SRRM4: variants seen among roughly 807,000 people sequenced by gnomAD.
SRRM4 encodes the protein serine/arginine repetitive matrix 4, also known as serine/arginine repetitive matrix protein 4.
In SRRM4, 33 loss-of-function variants were observed where a neutral mutation model predicts 68.9. That is an observed-to-expected ratio of 0.48 (90% confidence interval 0.36 to 0.64). The LOEUF (loss-of-function observed/expected upper bound fraction) is 0.64, where lower values mean the gene tolerates loss of function less well. SRRM4 is among the 30% of genes least tolerant of loss of function. The pLI is 0.00. For missense variants in SRRM4, 817 were observed against 827.1 expected (o/e 0.99, Z 0.15); for synonymous variants, 318 against 318.8 (o/e 1.00, Z 0.03).
intron 1 of SRRM4, among the ~76,000 whole-genome samples, chr12:119,030,436 T>C (rs978356975): frequency 2.6e-5 from 4 of 152,032 alleles, no homozygotes; most frequent in Non-Finnish European, 1.5e-5. Context: ...AAACAGAGAG[T>C]TTAGTTCTGG....
intron 2 of SRRM4, among the ~76,000 whole-genome samples, chr12:119,108,451 A>C (rs1592900765): frequency 6.6e-6 from 1 of 152,256 alleles, no homozygotes; most frequent in East Asian, 1.9e-4. Flanking sequence ...TGGGAGTCTA[A>C]GTCTCATTGT....
intron 1 of SRRM4, among the ~76,000 whole-genome samples, chr12:118,998,265 T>G (rs185895578): frequency 2.8e-5 from 1 of 35,428 alleles, no homozygotes. Flanking sequence ...AAGAGCAATA[T>G]GGCAAAAAAA....
At chr12:119,113,879 G>T (rs73213749) in intron 2 of SRRM4, among the ~76,000 whole-genome samples, 8 of 152,078 alleles carry the variant, frequency 5.3e-5, no homozygotes, top group Non-Finnish European at 1.0e-4. Flanking sequence ...CCTTCCGCCT[G>T]CTATTAAATT....
At chr12:119,122,690 A>G (rs1954229598) in intron 6 of SRRM4, among the ~76,000 whole-genome samples, 2 of 152,174 alleles carry the variant, frequency 1.3e-5, no homozygotes, top group South Asian at 4.1e-4. Context: ...AATGGTATAC[A>G]TAGGACACAC....
chr12:119,060,049 G>A (rs1381264419), intron 1 of SRRM4, among the ~76,000 whole-genome samples: 1 of 152,040 alleles, frequency 6.6e-6, no homozygotes, highest in Non-Finnish European at 1.5e-5. Flanking sequence ...TGAAAGTCTG[G>A]ACTAGGCACT....
chr12:119,079,741 A>C (rs1256524980), intron 1 of SRRM4, among the ~76,000 whole-genome samples: 1 of 152,112 alleles, frequency 6.6e-6, no homozygotes, highest in Non-Finnish European at 1.5e-5. Context: ...ACATCCTTAA[A>C]AAGTGCTGGT....
intron 3 of SRRM4, among the ~76,000 whole-genome samples, chr12:119,115,609 A>G (rs1180513575): frequency 6.6e-6 from 1 of 152,222 alleles, no homozygotes; most frequent in Non-Finnish European, 1.5e-5. Flanking sequence ...AGGGGGAAAT[A>G]TGGATGAAGA....
chr12:119,023,622 T>C (rs1953529909), intron 1 of SRRM4, among the ~76,000 whole-genome samples: 1 of 152,198 alleles, frequency 6.6e-6, no homozygotes, highest in African/African-American at 2.4e-5. Flanking sequence ...GCAAACCAGA[T>C]TATGTCACAC....
In SRRM4 at chr12:119,154,470, C is replaced by G; in HGVS notation, c.1532+87C>G. 5 of 1,442,270 alleles carry G rather than the reference C, an allele frequency of 3.5e-6. No homozygotes were observed. Among genetic ancestry groups the G allele is most frequent in the Non-Finnish European group, 4.8e-6 (5 of 1,051,618 alleles). 89.3% of individuals were successfully genotyped at this position (1,442,270 alleles called of 1,614,324 possible). A position where few individuals can be genotyped will look rare whatever the true frequency, so the allele number is the denominator to read the frequency against. ...TTCGAGCCTCAGGCTCTCCCTAGGC[C>G]TCCTTGGGGCTGGGATTTAGGATTG... On this transcript the variant is annotated intron_variant, in intron 12 of 12. Transcript: ENST00000267260. The surrounding 1 kb of genome is among the most constrained non-coding windows in gnomAD (Gnocchi z 4.7).
chr12:119,105,664 G>A (rs1405251780), intron 2 of SRRM4, among the ~76,000 whole-genome samples: 2 of 152,154 alleles, frequency 1.3e-5, no homozygotes, highest in Non-Finnish European at 2.9e-5. Context: ...TTTTGATGGG[G>A]TTGTTTGATT....
chr12:119,033,783 A>G (rs1472765360), intron 1 of SRRM4, among the ~76,000 whole-genome samples: 1 of 152,166 alleles, frequency 6.6e-6, no homozygotes, highest in African/African-American at 2.4e-5. Context: ...ATAAAAAAGT[A>G]TTTAACACTA....
chr12:119,022,526 C>T (rs1953522752), intron 1 of SRRM4, among the ~76,000 whole-genome samples: 1 of 152,164 alleles, frequency 6.6e-6, no homozygotes, highest in Non-Finnish European at 1.5e-5. Context: ...TTCCTGACTG[C>T]AATGTTAGTT....
chr12:119,107,021 G>C (rs892192547), intron 2 of SRRM4, among the ~76,000 whole-genome samples: 59 of 152,138 alleles, frequency 3.9e-4, no homozygotes, highest in Non-Finnish European at 8.2e-4. Flanking sequence ...TAGCATGAAG[G>C]GTGGTTGAAT....
At chr12:119,037,727 G>A (rs1426832290) in intron 1 of SRRM4, among the ~76,000 whole-genome samples, 1 of 152,200 alleles carries the variant, frequency 6.6e-6, no homozygotes, top group Non-Finnish European at 1.5e-5. Context: ...TCGCCGAAGA[G>A]AAGGGGAAGG....
intron 1 of SRRM4, among the ~76,000 whole-genome samples, chr12:119,052,428 T>G (rs1953748742): frequency 6.6e-6 from 1 of 152,188 alleles, no homozygotes; most frequent in South Asian, 2.1e-4. Flanking sequence ...AAATGTAAAC[T>G]TTCTTTTATA....
chr12:119,153,154 T>G (rs1037408569), intron 10 of SRRM4, among the ~76,000 whole-genome samples: 14 of 152,260 alleles, frequency 9.2e-5, no homozygotes, highest in African/African-American at 3.1e-4. Context: ...TCCTATGTCC[T>G]GTCTAATTGA....
At chr12:119,128,284 T>C (rs1259266187) in intron 7 of SRRM4, among the ~76,000 whole-genome samples, 2 of 152,178 alleles carry the variant, frequency 1.3e-5, no homozygotes, top group Non-Finnish European at 2.9e-5. Flanking sequence ...CCCTGCCTAA[T>C]ATGAGTGACT....
At chr12:118,997,990 T>A (rs1251584175) in intron 1 of SRRM4, among the ~76,000 whole-genome samples, 1 of 151,982 alleles carries the variant, frequency 6.6e-6, no homozygotes, top group Non-Finnish European at 1.5e-5. Context: ...GTGGAAAAAA[T>A]ACGTATCAAA....
intron 1 of SRRM4, among the ~76,000 whole-genome samples, chr12:119,099,598 A>G (rs12317992): frequency 0.27 from 41,564 of 152,238 alleles, 6,123 homozygotes; most frequent in African/African-American, 0.37. Flanking sequence ...ATTATGGTTC[A>G]TAGTTTCTGT....
Sources: allele counts gnomAD v4.1 joint callset (sites outside exome capture counted in the v4.1 genomes callset), GRCh38; gene constraint gnomAD v4.1.1; non-coding constraint Gnocchi (gnomAD v3.1); transcripts MANE v1.5; gene names NCBI Gene and HGNC (gene_info 2026-07-23, HGNC 2026-07-21).